The following NUP188 variants were observed in gnomAD, a reference collection of about 807,000 sequenced individuals.
NUP188 encodes nucleoporin 188, also known as nucleoporin NUP188.
Under a neutral mutation model 223.0 loss-of-function variants are expected in NUP188, and 97 were observed. That is an observed-to-expected ratio of 0.43 (90% CI 0.37 to 0.51). NUP188 has a LOEUF of 0.51. Among genes scored for constraint, NUP188 ranks in the 20% least tolerant of loss-of-function variants. NUP188 has a pLI of 0.00. For missense variants in NUP188, 1,947 were observed against 2,175.6 expected (o/e 0.89, Z 2.09); for synonymous variants, 869 against 828.0 (o/e 1.05, Z -0.85).
intron 25 of NUP188, among the ~76,000 whole-genome samples, chr9:128,991,907 C>CTTT (rs1204961303): frequency 2.6e-5 from 3 of 117,368 alleles, no homozygotes; most frequent in African/African-American, 5.9e-5. Flanking sequence ...GTTTTTCTTT[C>CTTT]TTTTTTTTTT....
chr9:128,966,438 A>G (rs546965423), intron 8 of NUP188, among the ~76,000 whole-genome samples: 1 of 151,744 alleles, frequency 6.6e-6, no homozygotes, highest in South Asian at 2.1e-4. Context: ...GTTTAGTGGC[A>G]CAATCACGGC....
intron 12 of NUP188, among the ~76,000 whole-genome samples, chr9:128,975,704 GA>G (rs1166106989): frequency 7.9e-5 from 12 of 151,776 alleles, no homozygotes; most frequent in Non-Finnish European, 1.5e-4. Flanking sequence ...ATTTTCAGTA[GA>G]CGGGGTTTTG....
chr9:128,969,339 T>C, intron 9 of NUP188, 61 bp from the exon 10 acceptor site: 1 of 1,056,660 alleles, frequency 9.5e-7, no homozygotes, highest in Admixed American at 1.9e-5. Context: ...ATATCTCACC[T>C]TTGTCTCTAG....
intron 11 of NUP188, among the ~76,000 whole-genome samples, chr9:128,971,730 T>A (rs1842108535): frequency 1.3e-5 from 2 of 150,770 alleles, no homozygotes; most frequent in Admixed American, 1.3e-4. Flanking sequence ...TGAGCTCGTT[T>A]TGACATGGTG....
In NUP188 at chr9:128,961,940, CTT is replaced by C. The variant is rs538615257; in HGVS notation, c.585+2819_585+2820del. Among the ~76,000 whole-genome samples the C allele has an allele frequency of 2.5e-4, 27 of 106,626 alleles. 1 individual carries two copies. Among genetic ancestry groups the C allele is most frequent in the Admixed American group, 5.8e-4 (6 of 10,380 alleles). 70.0% of individuals were successfully genotyped at this position (106,626 alleles called of 152,430 possible). A position where few individuals can be genotyped will look rare whatever the true frequency, so the allele number is the denominator to read the frequency against. On this transcript the variant is annotated intron_variant, in intron 8 of 43. Transcript: ENST00000372577. ...TGCCCGGCCTAGGACATACCATACT[CTT>C]TTTTTTTTTTTTGGACGGAGTTTTA...
chr9:128,985,094 G>T, intron 20 of NUP188, 80 bp downstream of exon 20: 1 of 949,034 alleles, frequency 1.1e-6, no homozygotes, highest in East Asian at 2.4e-5. Context: ...AGTTTCCCTG[G>T]CCCCTGGTGC....
At chr9:128,952,398 C>CAAAAAA (rs939252129) in intron 2 of NUP188, among the ~76,000 whole-genome samples, 28 of 60,654 alleles carry the variant, frequency 4.6e-4, no homozygotes, top group Non-Finnish European at 1.5e-4. Context: ...GACTCCGTCT[C>CAAAAAA]AAAAAAAAAA....
intron 5 of NUP188, 79 bp downstream of exon 5, chr9:128,957,111 A>G: frequency 1.0e-6 from 1 of 988,944 alleles, no homozygotes; most frequent in South Asian, 1.6e-5. Context: ...GGATTTTGGC[A>G]CCAATTCTTT....
At chr9:129,003,909 G>T in intron 38 of NUP188, 1 of 291,716 alleles carries the variant, frequency 3.4e-6, no homozygotes, top group South Asian at 2.9e-5. Context: ...GGAGGCGGAG[G>T]TTGCAGTGAG....
intron 3 of NUP188, among the ~76,000 whole-genome samples, chr9:128,955,786 C>G (rs1841860449): frequency 6.6e-6 from 1 of 151,692 alleles, no homozygotes; most frequent in Admixed American, 6.6e-5. Flanking sequence ...TCCAAGGAAT[C>G]CTGTTATTAG....
chr9:128,979,170 T>G, intron 12 of NUP188, 92 bp from the exon 13 acceptor site: 1 of 892,554 alleles, frequency 1.1e-6, no homozygotes, highest in East Asian at 2.6e-5. Flanking sequence ...TTTATTGGTG[T>G]TTTGGTGTTT....
intron 25 of NUP188, among the ~76,000 whole-genome samples, chr9:128,991,456 C>T (rs929043201): frequency 1.3e-5 from 2 of 151,948 alleles, no homozygotes; most frequent in Non-Finnish European, 2.9e-5. Flanking sequence ...TCGCTTGAAA[C>T]TGGGCAACAG....
In NUP188 at chr9:128,947,727, C is replaced by T. The variant is rs746695959; in HGVS notation, c.8C>T (p.Ala3Val). The T allele has an allele frequency of 4.6e-4, 674 of 1,468,008 alleles. No homozygotes were observed. The highest frequency in any genetic ancestry group is 5.7e-4 in the Non-Finnish European group (629 of 1,112,226). 90.9% of individuals were successfully genotyped at this position (1,468,008 alleles called of 1,614,324 possible). The change falls in exon 1 of 44, where the codon GCG becomes GTG. Residue 3 changes from alanine (A) to valine (V), a missense_variant. By Grantham distance (64) the Ala-to-Val change is moderately conservative. Transcript: ENST00000372577. MA[A>V]AAGGPCVRSS... is the part of the protein sequence containing the mutation. ...GCGAGCGGGCGCGCGAAGATGGCGG[C>T]GGCCGCCGGCGGGCCGTGTGTGAGG...
intron 24 of NUP188, 36 bp from the exon 25 acceptor site, chr9:128,990,084 C>T (rs1417582824): frequency 1.3e-6 from 2 of 1,485,190 alleles, no homozygotes; most frequent in Non-Finnish European, 1.9e-6. Flanking sequence ...GAATTAGGCA[C>T]ACTTGATATC....
Position 128,980,670 on chromosome 9 carries a change from C to A in NUP188, c.1334C>A (p.Ser445Tyr), listed in dbSNP as rs1469112936. The A allele has an allele frequency of 6.2e-7, 1 of 1,614,076 alleles. No homozygotes were observed. The highest frequency in any genetic ancestry group is 1.7e-5 in the Admixed American group (1 of 60,016). ...SVCGMFPHLL[S>Y]PLLQLLRALV... ...TGTGGAATGTTTCCCCACCTTCTCTCCCCACTCCTGCAACTGCTCCGAGCC... is the reference window on the plus strand; with the variant it reads ...TGTGGAATGTTTCCCCACCTTCTCTACCCACTCCTGCAACTGCTCCGAGCC... Residue 445 changes from serine (S) to tyrosine (Y), a missense_variant, in exon 14 of 44, where the codon TCC becomes TAC. Coordinates refer to ENST00000372577, the MANE Select transcript of NUP188 (RefSeq NM_015354.3).
At chr9:128,959,251 T>A in intron 8 of NUP188, 117 bp downstream of exon 8, 1 of 705,842 alleles carries the variant, frequency 1.4e-6, no homozygotes, top group Admixed American at 3.4e-5. Flanking sequence ...CATCTCCTGG[T>A]TTTAAGCAAT....
intron 12 of NUP188, 122 bp downstream of exon 12, chr9:128,973,371 A>T (rs918515125): frequency 3.2e-6 from 2 of 626,638 alleles, no homozygotes; most frequent in Non-Finnish European, 5.5e-6. Flanking sequence ...ACTGGCACTC[A>T]TTTTTTTATT....
At chr9:128,951,249 G>C (rs1230335789) in intron 2 of NUP188, among the ~76,000 whole-genome samples, 1 of 150,006 alleles carries the variant, frequency 6.7e-6, no homozygotes, top group East Asian at 1.9e-4. Context: ...GGAGGTTGCA[G>C]TGAGTCGAGA....
At chr9:128,956,264 CTG>C in intron 3 of NUP188, 84 bp from the exon 4 acceptor site, 3 of 718,098 alleles carry the variant, frequency 4.2e-6, no homozygotes, top group Non-Finnish European at 6.5e-6. Context: ...AGAAAATAGT[CTG>C]TAGGAAAAAT....
Sources: allele counts gnomAD v4.1 joint callset (sites outside exome capture counted in the v4.1 genomes callset), GRCh38; gene constraint gnomAD v4.1.1; transcripts MANE v1.5; gene names NCBI Gene and HGNC (gene_info 2026-07-23, HGNC 2026-07-21).